LARP1: variants seen among roughly 807,000 people sequenced by gnomAD.
LARP1 encodes the protein la-related protein 1.
In LARP1, 36 loss-of-function variants were observed where a neutral mutation model predicts 122.7. The ratio of observed to expected loss-of-function variants is 0.29; its 90% CI spans 0.22 to 0.39. The LOEUF (loss-of-function observed/expected upper bound fraction) is 0.39, where lower values mean the gene tolerates loss of function less well. Among genes scored for constraint, LARP1 ranks in the 10% least tolerant of loss-of-function variants. The pLI, the probability that LARP1 is intolerant of heterozygous loss-of-function variation, is 1.00. For synonymous variants in LARP1, 539 were observed against 528.7 expected, an observed-to-expected ratio of 1.02 and a Z score of -0.27; for missense variants, 1,040 against 1,403.6, an observed-to-expected ratio of 0.74 and a Z score of 4.14.
intron 1 of LARP1, among the ~76,000 whole-genome samples, chr5:154,745,169 G>A (rs1264168869): frequency 4.0e-5 from 6 of 151,750 alleles, no homozygotes; most frequent in East Asian, 1.9e-4. Context: ...CTCGTGATCC[G>A]CCCGCCTCGG....
intron 1 of LARP1, among the ~76,000 whole-genome samples, chr5:154,772,848 C>G (rs1755554470): frequency 6.6e-6 from 1 of 152,090 alleles, no homozygotes; most frequent in African/African-American, 2.4e-5. Flanking sequence ...CTGCCACACC[C>G]TGCTAATTTT....
At chr5:154,763,145 A>C (rs900180171) in intron 1 of LARP1, among the ~76,000 whole-genome samples, 2 of 148,788 alleles carry the variant, frequency 1.3e-5, no homozygotes, top group Non-Finnish European at 3.0e-5. Context: ...ACCGCAACCT[A>C]TGCCTCCTGG....
At chr5:154,782,050 T>C (rs539346461) in intron 1 of LARP1, among the ~76,000 whole-genome samples, 1 of 152,312 alleles carries the variant, frequency 6.6e-6, no homozygotes, top group South Asian at 2.1e-4. Flanking sequence ...GAGGAGAATT[T>C]ATATTGAGAT....
rs1754974816 is a variant in LARP1, at chr5:154,766,614, A to G, written c.436+10421A>G. On this transcript the variant is annotated intron_variant, in intron 1 of 18. Coordinates refer to ENST00000518297, the MANE Select transcript of LARP1 (RefSeq NM_033551.3). ...TGCAGCTGGCTGGGTGGGAACAACA[A>G]GAGGCCCTGAAAGTTGTAGAAGGGG... Among the ~76,000 whole-genome samples, 4 of 152,204 alleles carry G rather than the reference A, an allele frequency of 2.6e-5. 1 individual carries two copies. Among genetic ancestry groups the G allele is most frequent in the Non-Finnish European group, 5.9e-5 (4 of 68,030 alleles).
chr5:154,742,726 T>C (rs1013941112), intron 1 of LARP1, among the ~76,000 whole-genome samples: 13 of 142,552 alleles, frequency 9.1e-5, no homozygotes, highest in Non-Finnish European at 1.2e-4. Context: ...TCAGACCCTG[T>C]CTCAAAAAAA....
chr5:154,798,921 G>A (rs771060857), intron 8 of LARP1, among the ~76,000 whole-genome samples: 6 of 152,236 alleles, frequency 3.9e-5, no homozygotes, highest in Non-Finnish European at 7.3e-5. Flanking sequence ...CTGGAGTGCA[G>A]TGGCACCATC....
intron 4 of LARP1, 115 bp from the exon 5 acceptor site, chr5:154,793,480 G>C: frequency 7.6e-7 from 1 of 1,320,804 alleles, no homozygotes; most frequent in Non-Finnish European, 1.1e-6. Context: ...TCTGCCCAAG[G>C]TAACCAGATT....
chr5:154,766,612 C>G (rs1390717608), intron 1 of LARP1, among the ~76,000 whole-genome samples: 1 of 152,160 alleles, frequency 6.6e-6, no homozygotes, highest in Non-Finnish European at 1.5e-5. Flanking sequence ...GTGGGAACAA[C>G]AAGAGGCCCT....
At position 154,763,098 on chromosome 5, in the gene LARP1, G is replaced by A. The variant is rs185991944; in HGVS notation, c.436+6905G>A. Among the ~76,000 whole-genome samples, 151 of 138,548 alleles carry A rather than the reference G, an allele frequency of 1.1e-3. 2 individuals are homozygous for A. The East Asian group carries it at 0.025, about 23-fold the overall frequency. The allele number at this position is 138,548 out of a possible 152,430, so 90.9% of individuals were successfully genotyped here. A position where few individuals can be genotyped will look rare whatever the true frequency, so the allele number is the denominator to read the frequency against. ...CTTTTTTTGAGAAAGAGTTTCTCTC[G>A]TTGCCCAGGCTGGAGTGCAGTGCAC... On this transcript the variant is annotated intron_variant, in intron 1 of 18. Coordinates refer to ENST00000518297, the MANE Select transcript of LARP1 (RefSeq NM_033551.3).
chr5:154,811,591 T>C lies in LARP1; in HGVS notation c.3032T>C (p.Leu1011Pro). 6.2e-7 allele frequency: 1 copy of C among 1,614,206 alleles called. No homozygotes were observed. Among genetic ancestry groups the C allele is most frequent in the Non-Finnish European group, 8.5e-7 (1 of 1,180,040 alleles). Residue 1011 changes from leucine to proline, a missense_variant, in exon 18 of 19, where the codon CTG (leucine) becomes CCG (proline). Transcript: ENST00000518297. ...KAKNLDIDPK[L>P]QEYLGKFRRL... ...AAAAATTTGGACATTGACCCCAAACTGCAAGAATACCTCGGCAAATTCCGA... is the reference window on the plus strand; with the variant it reads ...AAAAATTTGGACATTGACCCCAAACCGCAAGAATACCTCGGCAAATTCCGA...
Position 154,803,581 on chromosome 5 carries a change from G to C in LARP1, c.2275G>C (p.Glu759Gln). 8 of 1,614,140 alleles carry C rather than the reference G, an allele frequency of 5.0e-6. No homozygotes were observed. Among genetic ancestry groups the C allele is most frequent in the Non-Finnish European group, 6.8e-6 (8 of 1,180,030 alleles). The change falls in exon 13 of 19, where the codon GAG (glutamate) becomes CAG (glutamine). Residue 759 changes from glutamate (E) to glutamine (Q), a missense_variant. Physicochemically the swap from Glu to Gln is conservative, Grantham distance 29 (BLOSUM62 2). Transcript: ENST00000518297. This position sits in a 1 kb window ranked among gnomAD's most constrained non-coding sequence, Gnocchi z 4.4. ...ALANKLFGAP[E>Q]PSTIARSLPT... ...GGCCAACAAGTTGTTTGGTGCTCCT[G>C]AGCCCTCCACCATCGCCCGCTCTCT... is the stretch of plus-strand genomic sequence containing the variant.
At chr5:154,712,510 C>T (rs1472326386), upstream of LARP1, among the ~76,000 whole-genome samples, 1 of 152,204 alleles carries the variant, frequency 6.6e-6, no homozygotes, top group Non-Finnish European at 1.5e-5. Context: ...GTACTAATAA[C>T]TCTGCCCCAG....
chr5:154,793,905 T>C lies in LARP1; in HGVS notation c.974T>C (p.Val325Ala). ...CACGACCAGGATGAGACATCGAGTG[T>C]GAAGAGTGATGGGGCTGGTGGGGCG... is the stretch of plus-strand genomic sequence containing the variant. The part of the protein sequence containing the change: ...AWHDQDETSS[V>A]KSDGAGGARA... The change falls in exon 6 of 19, where the codon GTG (valine) becomes GCG (alanine). Residue 325 changes from valine (V) to alanine (A), a missense_variant. Val to Ala is a moderately conservative substitution (Grantham distance 64). Coordinates refer to ENST00000518297, the MANE Select transcript of LARP1 (RefSeq NM_033551.3). 2 of 1,613,958 alleles carry C rather than the reference T, an allele frequency of 1.2e-6. No individual in the cohort carries two copies. Among genetic ancestry groups the C allele is most frequent in the African/African-American group, 2.7e-5 (2 of 74,984 alleles).
upstream of LARP1, among the ~76,000 whole-genome samples, chr5:154,711,293 C>T (rs1221863812): frequency 6.6e-6 from 1 of 152,072 alleles, no homozygotes; most frequent in African/African-American, 2.4e-5. Context: ...AGGCATGCGC[C>T]ACCACACCTG....
At chr5:154,799,514 C>T (rs1293246404) in intron 8 of LARP1, 77 bp from the exon 9 acceptor site, 1 of 1,514,280 alleles carries the variant, frequency 6.6e-7, no homozygotes, top group African/African-American at 1.4e-5. Flanking sequence ...TCAGGGGAAC[C>T]CAGTTGTCTA....
At chr5:154,759,674 A>G (rs1328449361) in intron 1 of LARP1, among the ~76,000 whole-genome samples, 1 of 152,190 alleles carries the variant, frequency 6.6e-6, no homozygotes, top group African/African-American at 2.4e-5. Context: ...GAGTACAGAT[A>G]GTCCCCAACT....
At chr5:154,713,665 G>T (rs1042934854) in intron 1 of LARP1, among the ~76,000 whole-genome samples, 11 of 152,140 alleles carry the variant, frequency 7.2e-5, no homozygotes, top group Non-Finnish European at 1.3e-4. Flanking sequence ...AGTTTGCATG[G>T]GGTTTATAAG....
chr5:154,693,866 A>AG, intron 1 of LARP1, among the ~76,000 whole-genome samples: 1 of 150,762 alleles, frequency 6.6e-6, no homozygotes, highest in Non-Finnish European at 1.5e-5. Flanking sequence ...AAAAAAAAAA[A>AG]AAAAAAGAAA....
chr5:154,713,343 C>T (rs1755320348), intron 1 of LARP1, among the ~76,000 whole-genome samples: 1 of 152,196 alleles, frequency 6.6e-6, no homozygotes, highest in Admixed American at 6.5e-5. Context: ...ATTGTTTTCC[C>T]TTGTCACACC....
Sources: allele counts gnomAD v4.1 joint callset (sites outside exome capture counted in the v4.1 genomes callset), GRCh38; gene constraint gnomAD v4.1.1; non-coding constraint Gnocchi (gnomAD v3.1); transcripts MANE v1.5; gene names NCBI Gene and HGNC (gene_info 2026-07-23, HGNC 2026-07-21).